ZBED6: variants seen among roughly 807,000 people sequenced by gnomAD.
ZBED6 encodes the protein zinc finger BED domain-containing protein 6.
In ZBED6, 40 loss-of-function variants were observed where a neutral mutation model predicts 58.4. That is an observed-to-expected ratio of 0.68 (90% CI 0.53 to 0.89). The LOEUF (loss-of-function observed/expected upper bound fraction) is 0.89, where lower values mean the gene tolerates loss of function less well. Ranked by LOEUF, ZBED6 falls within the 40% of genes least tolerant of loss-of-function variation. The pLI is 0.00. For missense variants in ZBED6, 1,057 were observed against 1,003.9 expected (o/e 1.05, Z -0.71); for synonymous variants, 439 against 350.6 (o/e 1.25, Z -2.82).
At chr1:203,851,968 CAAAAAAAAAAAAAAAA>C in intron 16 of ZBED6, among the ~76,000 whole-genome samples, 157 bp from the exon 17 acceptor site, 1 of 45,842 alleles carries the variant, frequency 2.2e-5, no homozygotes, top group Non-Finnish European at 3.5e-5. Flanking sequence ...GACTCTGCCT[CAAAAAAAAAAAAAAAA>C]AAAAAAAAAA....
chr1:203,825,069 T>A (rs1419697763), intron 3 of ZBED6, among the ~76,000 whole-genome samples: 1 of 93,188 alleles, frequency 1.1e-5, no homozygotes, highest in Non-Finnish European at 2.0e-5. Flanking sequence ...AGAGCGAGAC[T>A]CCGTCTCAAA....
chr1:203,809,839 A>G (rs1673723440), intron 1 of ZBED6, among the ~76,000 whole-genome samples: 1 of 152,160 alleles, frequency 6.6e-6, no homozygotes, highest in Non-Finnish European at 1.5e-5. Context: ...CTGTAATTCC[A>G]GCTACTCGGG....
At chr1:203,817,676 T>C (rs12026395) in intron 2 of ZBED6, among the ~76,000 whole-genome samples, 48,528 of 151,922 alleles carry the variant, frequency 0.32, 8,615 homozygotes, top group East Asian at 0.74. Context: ...CATATACCTA[T>C]TGCTTTCTGT....
At chr1:203,823,247 G>GA (rs1679361408) in intron 3 of ZBED6, among the ~76,000 whole-genome samples, 2 of 152,164 alleles carry the variant, frequency 1.3e-5, no homozygotes, top group Non-Finnish European at 2.9e-5. Flanking sequence ...GATCATAAGA[G>GA]AAAAAGACAC....
At chr1:203,839,679 T>A (rs1401013809) in intron 10 of ZBED6, among the ~76,000 whole-genome samples, 1 of 152,202 alleles carries the variant, frequency 6.6e-6, no homozygotes, top group Non-Finnish European at 1.5e-5. Flanking sequence ...TATTTTAAAT[T>A]TACTTGGAGG....
At chr1:203,809,406 A>G (rs1484972335) in intron 1 of ZBED6, among the ~76,000 whole-genome samples, 2 of 149,292 alleles carry the variant, frequency 1.3e-5, no homozygotes, top group Non-Finnish European at 3.0e-5. Flanking sequence ...CAAACTCCTG[A>G]CCTCGTGATC....
chr1:203,818,587 C>T, exon 3 of ZBED6: 1 of 1,614,008 alleles, frequency 6.2e-7, no homozygotes, highest in Non-Finnish European at 8.5e-7. Context: ...GCTGCCCATT[C>T]CGTCACTGTG....
intron 3 of ZBED6, among the ~76,000 whole-genome samples, chr1:203,820,468 ATG>A (rs71145033): frequency 6.6e-6 from 1 of 150,382 alleles, no homozygotes. Context: ...ATCACAAATT[ATG>A]TGTGTGTGTG....
intron 8 of ZBED6, 33 bp downstream of exon 8, chr1:203,831,804 C>T (rs1378543274): frequency 6.5e-7 from 1 of 1,536,554 alleles, no homozygotes; most frequent in East Asian, 2.3e-5. Context: ...AGTTGTCAAG[C>T]CTCTACTTTT....
At chr1:203,850,466 TAA>T (rs1264930998) in intron 14 of ZBED6, 47 bp from the exon 15 acceptor site, 7 of 1,603,448 alleles carry the variant, frequency 4.4e-6, no homozygotes, top group African/African-American at 1.3e-5. Flanking sequence ...ATTCCCCATT[TAA>T]AAGAGTCTAT....
At chr1:203,804,952 C>G (rs559725873) in intron 1 of ZBED6, among the ~76,000 whole-genome samples, 1 of 151,712 alleles carries the variant, frequency 6.6e-6, no homozygotes, top group South Asian at 2.1e-4. Flanking sequence ...GGATTACAGG[C>G]GTGAGCTATT....
At chr1:203,821,857 A>G (rs566839360) in intron 3 of ZBED6, among the ~76,000 whole-genome samples, 3 of 151,496 alleles carry the variant, frequency 2.0e-5, no homozygotes, top group African/African-American at 7.3e-5. Flanking sequence ...TCATTGGTTC[A>G]CACCATTCTC....
chr1:203,837,366 G>C (rs914932514), intron 9 of ZBED6, among the ~76,000 whole-genome samples: 1 of 151,036 alleles, frequency 6.6e-6, no homozygotes, highest in Non-Finnish European at 1.5e-5. Flanking sequence ...CTCAACCAGG[G>C]TTTATGACCT....
intron 7 of ZBED6, 65 bp from the exon 8 acceptor site, chr1:203,831,596 T>A: frequency 6.9e-7 from 1 of 1,452,378 alleles, no homozygotes; most frequent in Non-Finnish European, 9.5e-7. Flanking sequence ...AAAAACAAAT[T>A]TTTTGACTTG....
chr1:203,840,377 A>G lies in ZBED6; in HGVS notation c.*3741+3A>G. On this transcript the variant is annotated splice_donor_region_variant and intron_variant, in intron 11 of 16. Coordinates refer to ENST00000550078, the Ensembl canonical transcript of ZBED6. ...TCCAGATAATGAGGATGCAACAGGTAAGTAAATCCTAAGACCAGATTCTGA... is the reference window on the plus strand; with the variant it reads ...TCCAGATAATGAGGATGCAACAGGTGAGTAAATCCTAAGACCAGATTCTGA... 6.2e-7 allele frequency: 1 copy of G among 1,611,994 alleles called. No individual in the cohort carries two copies. Among genetic ancestry groups the G allele is most frequent in the Admixed American group, 1.7e-5 (1 of 59,838 alleles).
chr1:203,802,714 C>CTTTTTT (rs150416242), exon 1 of ZBED6: 4 of 131,640 alleles, frequency 3.0e-5, no homozygotes, highest in African/African-American at 8.2e-5. Context: ...TAAATGAACT[C>CTTTTTT]TTTTTTTTTG....
exon 1 of ZBED6, chr1:203,799,905 C>T (rs1242022227): frequency 1.3e-6 from 2 of 1,535,934 alleles, no homozygotes; most frequent in African/African-American, 2.7e-5. Flanking sequence ...TAAGCAGTTC[C>T]TTGCAGAAGA....
intron 3 of ZBED6, among the ~76,000 whole-genome samples, chr1:203,821,408 C>T (rs952972794): frequency 2.0e-5 from 3 of 151,986 alleles, no homozygotes; most frequent in Non-Finnish European, 2.9e-5. Context: ...ATCAGTGTGT[C>T]GTACTCTGTT....
chr1:203,804,504 T>G (rs1266314652), intron 1 of ZBED6, among the ~76,000 whole-genome samples: 2 of 152,124 alleles, frequency 1.3e-5, no homozygotes, highest in African/African-American at 4.8e-5. Context: ...ATCTTTTTAC[T>G]GTGAGTGGTA....
Sources: allele counts gnomAD v4.1 joint callset (sites outside exome capture counted in the v4.1 genomes callset), GRCh38; gene constraint gnomAD v4.1.1; transcripts MANE v1.5; gene names NCBI Gene and HGNC (gene_info 2026-07-23, HGNC 2026-07-21).